LRRIQ1: variants seen among roughly 807,000 people sequenced by gnomAD.
LRRIQ1 encodes leucine rich repeats and IQ motif containing 1.
Under a neutral mutation model 211.9 loss-of-function variants are expected in LRRIQ1, and 210 were observed. That is an observed-to-expected ratio of 0.99 (90% CI 0.89 to 1.11). The LOEUF is 1.11. Ranked by LOEUF, LRRIQ1 falls within the 50% of genes most tolerant of loss-of-function variation. The pLI is 0.00. For synonymous variants in LRRIQ1, 699 were observed against 650.1 expected, an observed-to-expected ratio of 1.08 and a Z score of -1.14; for missense variants, 2,136 against 1,939.5, an observed-to-expected ratio of 1.10 and a Z score of -1.90.
At chr12:85,236,264 C>T (rs990486853) in intron 26 of LRRIQ1, among the ~76,000 whole-genome samples, 1 of 152,086 alleles carries the variant, frequency 6.6e-6, no homozygotes, top group Non-Finnish European at 1.5e-5. Context: ...TATCAGTTGA[C>T]TCTGTTAAAT....
chr12:85,228,364 G>T lies in LRRIQ1; in HGVS notation c.4823-1153G>T, dbSNP rs77109513. 8.5e-5 allele frequency among the ~76,000 whole-genome samples: 13 copies of T among 152,228 alleles called. No individual in the cohort carries two copies. The East Asian group carries it at 2.1e-3, about 25-fold the overall frequency. On this transcript the variant is annotated intron_variant, in intron 24 of 26. Coordinates refer to ENST00000393217, the MANE Select transcript of LRRIQ1 (RefSeq NM_001079910.2). ...AATGGAGTCTGCTCATGGATTCAATGGCCAATCCCCTCATGTGAAGTAAGT... is the reference window on the plus strand; with the variant it reads ...AATGGAGTCTGCTCATGGATTCAATTGCCAATCCCCTCATGTGAAGTAAGT...
chr12:85,036,819 G>A (rs1247888070), intron 1 of LRRIQ1, among the ~76,000 whole-genome samples: 2 of 151,586 alleles, frequency 1.3e-5, no homozygotes, highest in Non-Finnish European at 2.9e-5. Flanking sequence ...CTTTACAGGG[G>A]TTGAAGGGGG....
At chr12:85,255,727 T>C (rs780901382) in intron 1 of LRRIQ1, among the ~76,000 whole-genome samples, 20 of 151,916 alleles carry the variant, frequency 1.3e-4, no homozygotes, top group Non-Finnish European at 1.3e-4. Flanking sequence ...CCATTAAATC[T>C]GATTCTTGGA....
At chr12:85,073,636 A>G (rs1883332863) in intron 11 of LRRIQ1, among the ~76,000 whole-genome samples, 1 of 152,072 alleles carries the variant, frequency 6.6e-6, no homozygotes, top group Non-Finnish European at 1.5e-5. Flanking sequence ...TTATGTGAAA[A>G]CTGCCATAGT....
intron 24 of LRRIQ1, among the ~76,000 whole-genome samples, chr12:85,207,206 AG>A (rs1446502110): frequency 6.6e-6 from 1 of 152,040 alleles, no homozygotes; most frequent in Non-Finnish European, 1.5e-5. Flanking sequence ...CCTTGTGCAG[AG>A]TTCCCAGCTT....
At chr12:85,159,771 G>A (rs751223042) in intron 23 of LRRIQ1, among the ~76,000 whole-genome samples, 5 of 151,528 alleles carry the variant, frequency 3.3e-5, no homozygotes, top group African/African-American at 1.2e-4. Flanking sequence ...TTTTGTAAAT[G>A]ACTTAGATGA....
At chr12:85,142,213 C>T (rs1889591694) in intron 19 of LRRIQ1, among the ~76,000 whole-genome samples, 1 of 151,296 alleles carries the variant, frequency 6.6e-6, no homozygotes, top group African/African-American at 2.4e-5. Context: ...CTATCCCATC[C>T]CCCAGGTAAC....
chr12:85,121,511 C>T lies in LRRIQ1; in HGVS notation c.3378-186C>T, dbSNP rs368838816. Among the ~76,000 whole-genome samples the T allele has an allele frequency of 7.9e-5, 12 of 152,130 alleles. No homozygotes were observed. The East Asian group carries it at 2.1e-3, about 27-fold the overall frequency. Reference sequence around the variant, plus strand: ...AACTTACTTTGTATATGACCTGATGCCATGCTTTTTAAAGAAATGTAACAA... The same window carrying T: ...AACTTACTTTGTATATGACCTGATGTCATGCTTTTTAAAGAAATGTAACAA... On this transcript the variant is annotated intron_variant, in intron 15 of 26. Transcript: ENST00000393217.
intron 19 of LRRIQ1, among the ~76,000 whole-genome samples, chr12:85,142,323 G>T (rs2136590765): frequency 6.6e-6 from 1 of 151,128 alleles, no homozygotes; most frequent in South Asian, 2.1e-4. Context: ...TTGAATCTGT[G>T]GTAAATATCT....
chr12:85,122,485 T>C (rs1417241971), intron 16 of LRRIQ1, among the ~76,000 whole-genome samples: 3 of 152,114 alleles, frequency 2.0e-5, no homozygotes, highest in Admixed American at 2.0e-4. Context: ...TTTCTAAAAC[T>C]GTACTTTTTA....
rs1293348110 is a variant in LRRIQ1, at chr12:85,166,417, T to C, written c.4822+5703T>C. ...TAGAAGATTTGCAGATAACTCATGG[T>C]TTTATAAACATATATTCAAATATTT... On this transcript the variant is annotated intron_variant, in intron 24 of 26. Coordinates refer to ENST00000393217, the MANE Select transcript of LRRIQ1 (RefSeq NM_001079910.2). Among the ~76,000 whole-genome samples the C allele has an allele frequency of 3.9e-5, 6 of 152,246 alleles. No individual in the cohort carries two copies. In the South Asian group the frequency reaches 8.3e-4, roughly 21 times the overall value.
At chr12:85,227,139 T>C (rs1894700567) in intron 24 of LRRIQ1, among the ~76,000 whole-genome samples, 1 of 151,942 alleles carries the variant, frequency 6.6e-6, no homozygotes, top group Non-Finnish European at 1.5e-5. Context: ...ATGGTTGAAC[T>C]AGTTTACAGT....
intron 24 of LRRIQ1, among the ~76,000 whole-genome samples, chr12:85,186,976 A>G (rs1565890749): frequency 1.3e-5 from 2 of 152,150 alleles, no homozygotes; most frequent in African/African-American, 4.8e-5. Context: ...TGAACAAACT[A>G]GTTCTGAACC....
chr12:85,192,789 A>G (rs1892628503), intron 24 of LRRIQ1, among the ~76,000 whole-genome samples: 1 of 105,660 alleles, frequency 9.5e-6, no homozygotes, highest in Non-Finnish European at 1.7e-5. Context: ...ATATAAATAT[A>G]TATAGTTATA....
chr12:85,056,902 T>C lies in LRRIQ1; in HGVS notation c.2109T>C (p.Ser703=). The change falls in exon 8 of 27, where the codon TCT becomes TCC. Residue 703 remains serine (S), a synonymous_variant. Transcript: ENST00000393217. ...CCATGGTATCTAAAGAAGTCAACTCTCTTAAATCTGAGATTAGAAATATTT... is the reference window on the plus strand; with the variant it reads ...CCATGGTATCTAAAGAAGTCAACTCCCTTAAATCTGAGATTAGAAATATTT... The part of the protein sequence containing the change: ...ESSMVSKEVN[S]LKSEIRNISE... The C allele has an allele frequency of 1.9e-6, 3 of 1,613,244 alleles. No individual in the cohort carries two copies. The highest frequency in any genetic ancestry group is 2.5e-6 in the Non-Finnish European group (3 of 1,179,538).
intron 23 of LRRIQ1, among the ~76,000 whole-genome samples, chr12:85,158,174 G>A (rs1228356264): frequency 1.3e-5 from 2 of 151,464 alleles, no homozygotes; most frequent in Admixed American, 6.6e-5. Context: ...AAACACTCTT[G>A]ACATCTCAGA....
chr12:85,203,905 A>G (rs1893414859), intron 24 of LRRIQ1, among the ~76,000 whole-genome samples: 1 of 152,178 alleles, frequency 6.6e-6, no homozygotes, highest in African/African-American at 2.4e-5. Context: ...TTGCATGAGT[A>G]ACGAGGACCC....
intron 6 of LRRIQ1, among the ~76,000 whole-genome samples, chr12:85,049,433 T>C (rs1311030566): frequency 2.0e-5 from 3 of 152,194 alleles, no homozygotes; most frequent in Non-Finnish European, 2.9e-5. Flanking sequence ...AATGCTTCTT[T>C]CTTCTGCCAA....
At chr12:85,236,778 A>G (rs1161523009) in intron 26 of LRRIQ1, among the ~76,000 whole-genome samples, 3 of 145,198 alleles carry the variant, frequency 2.1e-5, no homozygotes, top group Non-Finnish European at 4.5e-5. Flanking sequence ...TTCTGGATAT[A>G]TGTATCTTTT....
Sources: allele counts gnomAD v4.1 joint callset (sites outside exome capture counted in the v4.1 genomes callset), GRCh38; gene constraint gnomAD v4.1.1; transcripts MANE v1.5; gene names NCBI Gene and HGNC (gene_info 2026-07-23, HGNC 2026-07-21).